The following PARD3B variants were observed in gnomAD, a reference collection of about 807,000 sequenced individuals.
PARD3B encodes the protein partitioning defective 3 homolog B.
PARD3B carries 103 observed loss-of-function variants against 130.2 expected under a neutral mutation model. The observed-to-expected ratio is 0.79, with a 90% CI of 0.67 to 0.93. The LOEUF is 0.93. PARD3B is among the 40% of genes least tolerant of loss of function. The probability of loss-of-function intolerance (pLI) is 0.00; values close to 1 mark genes in which losing one functional copy is unlikely to be tolerated. For synonymous variants in PARD3B, 583 were observed against 553.2 expected (o/e 1.05, Z -0.76); for missense variants, 1,609 against 1,499.2 (o/e 1.07, Z -1.21).
At chr2:204,839,546 C>T (rs79278857) in intron 2 of PARD3B, among the ~76,000 whole-genome samples, 1,588 of 152,234 alleles carry the variant, frequency 0.01, 22 homozygotes, top group African/African-American at 0.035. Flanking sequence ...TGTGGCCATG[C>T]ACTCGAAATT....
chr2:205,225,806 A>T lies in PARD3B; in HGVS notation c.2141-19972A>T, dbSNP rs76999449. The stretch of plus-strand genomic sequence containing the variant: ...TCATGAGAACAAACAGCAAGGGGGA[A>T]ATCCACCCCCATGATCAAATTACCT... On this transcript the variant is annotated intron_variant, in intron 15 of 22. Coordinates refer to ENST00000406610, the MANE Select transcript of PARD3B (RefSeq NM_001302769.2). Among the ~76,000 whole-genome samples, 1,307 of 152,260 alleles carry T rather than the reference A, an allele frequency of 8.6e-3. 16 individuals are homozygous for T. The highest frequency in any genetic ancestry group is 0.03 in the African/African-American group (1,254 of 41,542).
At chr2:204,602,796 C>CT (rs1047756914) in intron 1 of PARD3B, among the ~76,000 whole-genome samples, 9 of 152,164 alleles carry the variant, frequency 5.9e-5, no homozygotes, top group Admixed American at 4.6e-4. Flanking sequence ...TGTTGATACT[C>CT]TAAGTGTCTC....
chr2:204,869,116 A>T (rs1229798303), intron 2 of PARD3B, among the ~76,000 whole-genome samples: 1 of 152,110 alleles, frequency 6.6e-6, no homozygotes, highest in Admixed American at 6.6e-5. Flanking sequence ...TCTACTTTAT[A>T]CAGATCAGAT....
At chr2:205,029,485 C>T (rs1268293569) in intron 3 of PARD3B, among the ~76,000 whole-genome samples, 2 of 152,124 alleles carry the variant, frequency 1.3e-5, no homozygotes. Context: ...CAGCTTAGTG[C>T]TTTGAACATA....
In PARD3B at chr2:204,610,493, T is replaced by A. The variant is rs1292601360; in HGVS notation, c.120+64374T>A. On this transcript the variant is annotated intron_variant, in intron 1 of 22. Transcript: ENST00000406610. This position sits in a 1 kb window ranked among gnomAD's most constrained non-coding sequence, Gnocchi z 4.1. ...GCGTCAGCCTCCCGAGTGGCTGGGA[T>A]TACAGATGCACACCACCATGCCCAG... Among the ~76,000 whole-genome samples, 1 of 152,130 alleles carries A rather than the reference T, an allele frequency of 6.6e-6. No homozygotes were observed. Among genetic ancestry groups the A allele is most frequent in the Non-Finnish European group, 1.5e-5 (1 of 68,014 alleles).
At chr2:204,584,201 TGATGGGGATGGA>T (rs1361731386) in intron 1 of PARD3B, among the ~76,000 whole-genome samples, 2 of 152,132 alleles carry the variant, frequency 1.3e-5, no homozygotes, top group Non-Finnish European at 2.9e-5. Flanking sequence ...GACTCCAATG[TGATGGGGATGGA>T]GATGGGGCAA....
intron 10 of PARD3B, among the ~76,000 whole-genome samples, chr2:205,136,235 C>A (rs540943612): frequency 2.6e-5 from 4 of 152,278 alleles, no homozygotes; most frequent in African/African-American, 9.6e-5. Flanking sequence ...CCTTTACCTT[C>A]CTCCTTTTCT....
Position 205,121,845 on chromosome 2 carries a change from G to A in PARD3B, c.1061G>A (p.Arg354Gln), listed in dbSNP as rs1277484824. 1.4e-5 allele frequency: 23 copies of A among 1,613,956 alleles called. No homozygotes were observed. The highest frequency in any genetic ancestry group is 2.2e-5 in the East Asian group (1 of 44,874). Residue 354 changes from arginine to glutamine, a missense_variant, in exon 8 of 23, where the codon CGA (arginine) becomes CAA (glutamine). Transcript: ENST00000406610. This position sits in a 1 kb window ranked among gnomAD's most constrained non-coding sequence, Gnocchi z 5.0. ...SASLQQNKSPRVPRLGGKPSS... is the reference protein window; with the variant it reads ...SASLQQNKSPQVPRLGGKPSS... Reference sequence around the variant, plus strand: ...TCCCTGCAACAAAACAAGAGTCCCCGAGTACCAAGGCTGGGAGGAAAACCA... The same window carrying A: ...TCCCTGCAACAAAACAAGAGTCCCCAAGTACCAAGGCTGGGAGGAAAACCA...
intron 2 of PARD3B, among the ~76,000 whole-genome samples, chr2:204,898,155 A>G (rs1035732368): frequency 2.0e-5 from 3 of 151,906 alleles, no homozygotes; most frequent in Admixed American, 6.6e-5. Flanking sequence ...AACAATGACA[A>G]TAAAAACCAT....
At position 205,121,774 on chromosome 2, in the gene PARD3B, A is replaced by G; in HGVS notation, c.990A>G (p.Thr330=). 2 of 1,614,160 alleles carry G rather than the reference A, an allele frequency of 1.2e-6. No individual in the cohort carries two copies. Among genetic ancestry groups the G allele is most frequent in the South Asian group, 2.2e-5 (2 of 91,078 alleles). ...PPVHGKSGLK[T]ANLTGTDSPE... The stretch of plus-strand genomic sequence containing the variant: ...TCCATGGAAAATCGGGACTAAAGAC[A>G]GCAAATCTCACAGGAACCGATAGTC... Residue 330 remains threonine (T), a synonymous_variant, in exon 8 of 23, where the codon ACA becomes ACG. Transcript: ENST00000406610. The surrounding 1 kb of genome is among the most constrained non-coding windows in gnomAD (Gnocchi z 5.0).
intron 2 of PARD3B, among the ~76,000 whole-genome samples, chr2:204,718,765 C>A (rs1279931374): frequency 6.6e-6 from 1 of 152,198 alleles, no homozygotes; most frequent in African/African-American, 2.4e-5. Flanking sequence ...TCTCTGTAAG[C>A]CAAGCCAAAC....
chr2:204,786,539 G>C (rs1027402422), intron 2 of PARD3B, among the ~76,000 whole-genome samples: 2 of 136,460 alleles, frequency 1.5e-5, no homozygotes, highest in African/African-American at 3.5e-5. Context: ...ATGGCAATAA[G>C]CTTAACAATC....
chr2:205,144,491 T>TA (rs1443300962), intron 10 of PARD3B, among the ~76,000 whole-genome samples: 1 of 152,230 alleles, frequency 6.6e-6, no homozygotes, highest in Non-Finnish European at 1.5e-5. Flanking sequence ...TTGTTTGTAG[T>TA]ATGATGATAG....
chr2:204,957,585 T>A (rs1690372112), intron 2 of PARD3B, among the ~76,000 whole-genome samples: 1 of 152,180 alleles, frequency 6.6e-6, no homozygotes, highest in South Asian at 2.1e-4. Context: ...CTGATGAAGA[T>A]GCTAATGTGA....
chr2:205,283,411 A>C (rs1311443120), intron 16 of PARD3B, among the ~76,000 whole-genome samples: 1 of 152,154 alleles, frequency 6.6e-6, no homozygotes, highest in Non-Finnish European at 1.5e-5. Context: ...CAGCCTCCTG[A>C]GTAGCTGGGA....
At position 205,366,117 on chromosome 2, in the gene PARD3B, A is replaced by G. The variant is rs2044599423; in HGVS notation, c.2631-34896A>G. On this transcript the variant is annotated intron_variant, in intron 18 of 22. Coordinates refer to ENST00000406610, the MANE Select transcript of PARD3B (RefSeq NM_001302769.2). The surrounding 1 kb of genome is among the most constrained non-coding windows in gnomAD (Gnocchi z 5.0). ...CCATCCATTCATCCATCCATCCATTATCCATATTTATGTTGGCTAGAGCTC... is the reference window on the plus strand; with the variant it reads ...CCATCCATTCATCCATCCATCCATTGTCCATATTTATGTTGGCTAGAGCTC... Among the ~76,000 whole-genome samples, 1 of 151,796 alleles carries G rather than the reference A, an allele frequency of 6.6e-6. No individual in the cohort carries two copies. The highest frequency in any genetic ancestry group is 1.5e-5 in the Non-Finnish European group (1 of 67,990).
In PARD3B at chr2:204,930,906, A is replaced by G. The variant is rs541577834; in HGVS notation, c.223-34246A>G. On this transcript the variant is annotated intron_variant, in intron 2 of 22. Transcript: ENST00000406610. ...AACTTATCTAAAAACCACGATGAAC[A>G]CTTGAGTATATGGTTTATCTCTTCA... Among the ~76,000 whole-genome samples the G allele has an allele frequency of 5.3e-4, 81 of 152,182 alleles. No individual in the cohort carries two copies. In the South Asian group the frequency reaches 0.016, roughly 30 times the overall value.
At chr2:205,570,744 C>T (rs1329157778) in intron 22 of PARD3B, among the ~76,000 whole-genome samples, 1 of 152,136 alleles carries the variant, frequency 6.6e-6, no homozygotes, top group Non-Finnish European at 1.5e-5. Flanking sequence ...TATGTGTTCA[C>T]CCGTGCTACC....
chr2:204,977,016 T>C (rs1364557768), intron 3 of PARD3B, among the ~76,000 whole-genome samples: 2 of 152,208 alleles, frequency 1.3e-5, no homozygotes, highest in African/African-American at 4.8e-5. Context: ...AGATTCTGGT[T>C]GTCTTATGCC....
Sources: gnomAD v4.1 joint callset for allele counts (sites outside exome capture counted in the v4.1 genomes callset) on GRCh38, gnomAD v4.1.1 for gene constraint, Gnocchi (gnomAD v3.1) non-coding constraint, MANE v1.5 for transcripts, NCBI Gene and HGNC (gene_info 2026-07-23, HGNC 2026-07-21) for gene names.